The following KCNQ1 variants were observed in gnomAD, a reference collection of about 807,000 sequenced individuals.
The protein encoded by KCNQ1 is potassium voltage-gated channel subfamily KQT member 1.
In KCNQ1, 49 loss-of-function variants were observed where a neutral mutation model predicts 72.4. That is an observed-to-expected ratio of 0.68 (90% CI 0.54 to 0.86). The LOEUF (loss-of-function observed/expected upper bound fraction) is 0.86, where lower values mean the gene tolerates loss of function less well. KCNQ1 is among the 40% of genes least tolerant of loss of function. The pLI is 0.00. For missense variants in KCNQ1, 790 were observed against 945.1 expected (o/e 0.84, Z 2.15); for synonymous variants, 450 against 412.6 (o/e 1.09, Z -1.10).
intron 11 of KCNQ1, among the ~76,000 whole-genome samples, chr11:2,749,216 G>A (rs971731050): frequency 7.2e-5 from 11 of 152,218 alleles, no homozygotes; most frequent in African/African-American, 2.7e-4. Flanking sequence ...ATGAGAGGAT[G>A]CCATGATTTC....
At position 2,824,647 on chromosome 11, in the gene KCNQ1, A is replaced by G. The variant is rs926730393; in HGVS notation, c.1795-23120A>G. 6.6e-6 allele frequency among the ~76,000 whole-genome samples: 1 copy of G among 152,034 alleles called. No homozygotes were observed. Among genetic ancestry groups the G allele is most frequent in the African/African-American group, 2.4e-5 (1 of 41,376 alleles). On this transcript the variant is annotated intron_variant, in intron 15 of 15. Transcript: ENST00000155840. The surrounding 1 kb of genome is among the most constrained non-coding windows in gnomAD (Gnocchi z 5.9). ...GAGATTGCAGGGAGAGGAGAGAGTG[A>G]GAATGGGGCCACTCAAGGGGTGAAC...
rs1313705455 is a variant in KCNQ1, at chr11:2,536,399, C to T, written c.477+8381C>T. On this transcript the variant is annotated intron_variant, in intron 2 of 15. Coordinates refer to ENST00000155840, the MANE Select transcript of KCNQ1 (RefSeq NM_000218.3). The surrounding 1 kb of genome is among the most constrained non-coding windows in gnomAD (Gnocchi z 7.4). The stretch of plus-strand genomic sequence containing the variant: ...GGAAGGGAGGCTGGGGTGGGTGCCC[C>T]GAGTGCCTTGTTGGAGTGGAGGCTG... Among the ~76,000 whole-genome samples the T allele has an allele frequency of 6.6e-6, 1 of 152,038 alleles. No individual in the cohort carries two copies. The highest frequency in any genetic ancestry group is 2.1e-4 in the South Asian group (1 of 4,814).
chr11:2,646,532 G>A lies in KCNQ1; in HGVS notation c.1394-15429G>A, dbSNP rs549079548. The A allele has an allele frequency of 1.0e-5, 4 of 398,534 alleles. No homozygotes were observed. In the South Asian group the frequency reaches 5.1e-4, roughly 51 times the overall value. The allele number at this position is 398,534 out of a possible 1,614,324, so 24.7% of individuals were successfully genotyped here. ...GAAATGCTACTGATTTTTTGGGGGA[G>A]GCAGGGGAGTGCAGACAGGGTCTCA... is the stretch of plus-strand genomic sequence containing the variant. On this transcript the variant is annotated intron_variant, in intron 10 of 15. Transcript: ENST00000155840.
chr11:2,743,543 G>A (rs1049850071), intron 11 of KCNQ1, among the ~76,000 whole-genome samples: 2 of 152,162 alleles, frequency 1.3e-5, no homozygotes, highest in Admixed American at 6.5e-5. Flanking sequence ...GGGAGAACTT[G>A]AGCAGGGAAG....
chr11:2,822,532 G>C (rs925919835), intron 15 of KCNQ1, among the ~76,000 whole-genome samples: 5 of 152,242 alleles, frequency 3.3e-5, no homozygotes, highest in African/African-American at 1.2e-4. Flanking sequence ...AGCCTACCTA[G>C]GGTATTAGCA....
At position 2,777,019 on chromosome 11, in the gene KCNQ1, C is replaced by T. The variant is rs199472810; in HGVS notation, c.1719C>T (p.Phe573=). Residue 573 remains phenylalanine (F), a synonymous_variant, in exon 14 of 16, where the codon TTC becomes TTT. Coordinates refer to ENST00000155840, the MANE Select transcript of KCNQ1 (RefSeq NM_000218.3). ...LDQSIGKPSL[F]ISVSEKSKDR... is the part of the protein sequence containing the mutation. Reference sequence around the variant, plus strand: ...AGTCCATTGGGAAGCCCTCACTGTTCATCTCCGTCTCAGGTGGGTTTCTGT... The same window carrying T: ...AGTCCATTGGGAAGCCCTCACTGTTTATCTCCGTCTCAGGTGGGTTTCTGT... 8 of 1,614,010 alleles carry T rather than the reference C, an allele frequency of 5.0e-6. No individual in the cohort carries two copies. The highest frequency in any genetic ancestry group is 1.6e-4 in the Middle Eastern group (1 of 6,084).
intron 10 of KCNQ1, chr11:2,641,489 G>T (rs891617936): frequency 1.3e-5 from 5 of 397,734 alleles, no homozygotes; most frequent in African/African-American, 4.1e-5. Flanking sequence ...GAATTAATTT[G>T]TTGTTTACTA....
chr11:2,466,378 AG>A (rs1846352131), intron 1 of KCNQ1, among the ~76,000 whole-genome samples: 2 of 151,966 alleles, frequency 1.3e-5, no homozygotes, highest in African/African-American at 4.8e-5. Context: ...TTGCAGGAGG[AG>A]GGGGGCTCCC....
rs1032331852 is a variant in KCNQ1, at chr11:2,664,113, G to A, written c.1514+2032G>A. On this transcript the variant is annotated intron_variant, in intron 11 of 15. Transcript: ENST00000155840. This position sits in a 1 kb window ranked among gnomAD's most constrained non-coding sequence, Gnocchi z 5.1. The stretch of plus-strand genomic sequence containing the variant: ...GAGACTCCAGTCATTACCCAACCAG[G>A]TCCCTGCCCTGTAACTTACCAAGGC... 2 of 398,558 alleles carry A rather than the reference G, an allele frequency of 5.0e-6. No individual in the cohort carries two copies. Among genetic ancestry groups the A allele is most frequent in the African/African-American group, 4.1e-5 (2 of 48,612 alleles). 24.7% of individuals were successfully genotyped at this position (398,558 alleles called of 1,614,324 possible).
In KCNQ1 at chr11:2,842,287, G is replaced by A. The variant is rs963745237; in HGVS notation, c.1795-5480G>A. Among the ~76,000 whole-genome samples the A allele has an allele frequency of 7.2e-5, 11 of 152,328 alleles. No individual in the cohort carries two copies. In the East Asian group the frequency reaches 9.6e-4, roughly 13 times the overall value. ...ACTGCCCGGGTGAAGGGCTCTGGGG[G>A]ACAGGGGGAGCAGCTGGTATGTGTG... On this transcript the variant is annotated intron_variant, in intron 15 of 15. Transcript: ENST00000155840.
At position 2,563,413 on chromosome 11, in the gene KCNQ1, TCTC is replaced by T. The variant is rs1362948992; in HGVS notation, c.478-7211_478-7209del. ...TGCTGGCCCTCCGGCTTCGGGCAGG[TCTC>T]CTCTTTATGCCACTGTAACCCCACA... On this transcript the variant is annotated intron_variant, in intron 2 of 15. Coordinates refer to ENST00000155840, the MANE Select transcript of KCNQ1 (RefSeq NM_000218.3). This position sits in a 1 kb window ranked among gnomAD's most constrained non-coding sequence, Gnocchi z 7.4. 5.9e-5 allele frequency among the ~76,000 whole-genome samples: 9 copies of T among 152,086 alleles called. No individual in the cohort carries two copies. Among genetic ancestry groups the T allele is most frequent in the Non-Finnish European group, 1.0e-4 (7 of 68,008 alleles).
chr11:2,778,448 CT>C (rs1243413364), intron 15 of KCNQ1, among the ~76,000 whole-genome samples: 1 of 152,258 alleles, frequency 6.6e-6, no homozygotes, highest in Non-Finnish European at 1.5e-5. Flanking sequence ...GGGGCCTCCA[CT>C]TGGGGCCGGC....
chr11:2,673,741 G>A lies in KCNQ1; in HGVS notation c.1514+11660G>A, dbSNP rs906687797. 58 of 398,486 alleles carry A rather than the reference G, an allele frequency of 1.5e-4. No homozygotes were observed. The East Asian group carries it at 2.1e-3, about 14-fold the overall frequency. The allele number at this position is 398,486 out of a possible 1,614,324, so 24.7% of individuals were successfully genotyped here. A position where few individuals can be genotyped will look rare whatever the true frequency, so the allele number is the denominator to read the frequency against. ...CTTGGAAGGCCCAGACTGGACAGGGGAAGGGGTACAGTCCCTTCTTGCTGG... is the reference window on the plus strand; with the variant it reads ...CTTGGAAGGCCCAGACTGGACAGGGAAAGGGGTACAGTCCCTTCTTGCTGG... On this transcript the variant is annotated intron_variant, in intron 11 of 15. Transcript: ENST00000155840. The surrounding 1 kb of genome is among the most constrained non-coding windows in gnomAD (Gnocchi z 4.5).
chr11:2,839,389 TGCA>T (rs1411594147), intron 15 of KCNQ1, among the ~76,000 whole-genome samples: 1 of 152,232 alleles, frequency 6.6e-6, no homozygotes, highest in Non-Finnish European at 1.5e-5. Flanking sequence ...GAGCAGCCTC[TGCA>T]GGTCTGTGAG....
At chr11:2,638,007 CTTTT>C (rs943117728) in intron 10 of KCNQ1, 2 of 152,104 alleles carry the variant, frequency 1.3e-5, no homozygotes, top group Non-Finnish European at 2.9e-5. Context: ...CAACCCCTGC[CTTTT>C]TTTATTTTCC....
rs1847676118 is a variant in KCNQ1 at position 2,818,865 on chromosome 11, C to T, written c.1795-28902C>T. ...AGCTTAGCTGCTCTTCCCCCAACCCCCAGGCCCAGCAGAATCACATCTAGG... is the reference window on the plus strand; with the variant it reads ...AGCTTAGCTGCTCTTCCCCCAACCCTCAGGCCCAGCAGAATCACATCTAGG... On this transcript the variant is annotated intron_variant, in intron 15 of 15. Transcript: ENST00000155840. This position sits in a 1 kb window ranked among gnomAD's most constrained non-coding sequence, Gnocchi z 7.2. Among the ~76,000 whole-genome samples, 1 of 152,150 alleles carries T rather than the reference C, an allele frequency of 6.6e-6. No individual in the cohort carries two copies. The highest frequency in any genetic ancestry group is 2.1e-4 in the South Asian group (1 of 4,826).
chr11:2,797,495 G>A (rs561861821), intron 15 of KCNQ1, among the ~76,000 whole-genome samples: 18 of 152,266 alleles, frequency 1.2e-4, no homozygotes, highest in South Asian at 4.1e-4. Context: ...CCAAAACCCC[G>A]CAGACTCCCG....
rs1357806682 is a variant in KCNQ1, at chr11:2,492,700, T to C, written c.387-35228T>C. 6.6e-6 allele frequency among the ~76,000 whole-genome samples: 1 copy of C among 152,230 alleles called. No individual in the cohort carries two copies. The highest frequency in any genetic ancestry group is 1.5e-5 in the Non-Finnish European group (1 of 68,034). ...CATGAACTCATTCTTTTTTTATGGCTGCATATTATTCCATGGTGTATATGT... is the reference window on the plus strand; with the variant it reads ...CATGAACTCATTCTTTTTTTATGGCCGCATATTATTCCATGGTGTATATGT... On this transcript the variant is annotated intron_variant, in intron 1 of 15. Transcript: ENST00000155840. The surrounding 1 kb of genome is among the most constrained non-coding windows in gnomAD (Gnocchi z 4.1).
chr11:2,847,554 A>G (rs1002713839), intron 15 of KCNQ1, among the ~76,000 whole-genome samples: 1 of 152,202 alleles, frequency 6.6e-6, no homozygotes, highest in African/African-American at 2.4e-5. Flanking sequence ...ATGGACTCCA[A>G]TCGGCACACA....
Sources: allele counts gnomAD v4.1 joint callset (sites outside exome capture counted in the v4.1 genomes callset), GRCh38; gene constraint gnomAD v4.1.1; non-coding constraint Gnocchi (gnomAD v3.1); transcripts MANE v1.5; gene names NCBI Gene and HGNC (gene_info 2026-07-23, HGNC 2026-07-21).